LAMC2: variants seen among roughly 807,000 people sequenced by gnomAD.
The protein encoded by LAMC2 is laminin subunit gamma-2.
In LAMC2, 97 loss-of-function variants were observed where a neutral mutation model predicts 140.2. The observed-to-expected ratio is 0.69, with a 90% CI of 0.59 to 0.82. The LOEUF (loss-of-function observed/expected upper bound fraction) is 0.82, where lower values mean the gene tolerates loss of function less well. LAMC2 is among the 40% of genes least tolerant of loss of function. LAMC2 has a pLI of 0.00. For missense variants in LAMC2, 1,402 were observed against 1,476.1 expected (o/e 0.95, Z 0.82); for synonymous variants, 513 against 540.2 (o/e 0.95, Z 0.70).
intron 17 of LAMC2, 125 bp downstream of exon 17, chr1:183,236,729 T>A: frequency 8.7e-7 from 1 of 1,146,256 alleles, no homozygotes; most frequent in Non-Finnish European, 1.3e-6. Context: ...TGTTTTAGAG[T>A]GGGAAGAGTA....
In LAMC2 at chr1:183,220,974, A is replaced by G. The variant is rs745567057; in HGVS notation, c.640+13A>G. On this transcript the variant is annotated intron_variant, in intron 5 of 22. Coordinates refer to ENST00000264144, the MANE Select transcript of LAMC2 (RefSeq NM_005562.3). ...ACCTTTCATCAAGGTAAAGCCTTCT[A>G]TTTTCTAGGTTTTAGTTTTTTAATG... is the stretch of plus-strand genomic sequence containing the variant. 4.3e-6 allele frequency: 7 copies of G among 1,613,502 alleles called. No homozygotes were observed. The African/African-American group carries it at 5.3e-5, about 12-fold the overall frequency.
chr1:183,235,672 G>A lies in LAMC2; in HGVS notation c.2398G>A (p.Gly800Arg), dbSNP rs1419009396. 1.2e-5 allele frequency: 20 copies of A among 1,614,078 alleles called. No individual in the cohort carries two copies. The highest frequency in any genetic ancestry group is 1.7e-5 in the Non-Finnish European group (20 of 1,180,042). The change falls in exon 16 of 23, where the codon GGA becomes AGA. Residue 800 changes from glycine to arginine, a missense_variant. Physicochemically the swap from Gly to Arg is moderately radical, Grantham distance 125. Transcript: ENST00000264144. ...LSLVRKALHE[G>R]VGSGSGSPDG... is the part of the protein sequence containing the mutation. Reference sequence around the variant, plus strand: ...ACTGGTGCGCAAGGCCCTGCATGAAGGAGTCGGAAGCGGAAGCGGTAGCCC... The same window carrying A: ...ACTGGTGCGCAAGGCCCTGCATGAAAGAGTCGGAAGCGGAAGCGGTAGCCC...
chr1:183,234,502 G>A, intron 15 of LAMC2, 56 bp downstream of exon 15: 1 of 1,344,204 alleles, frequency 7.4e-7, no homozygotes, highest in Non-Finnish European at 1.1e-6. Flanking sequence ...GGCCAGACTT[G>A]AATAAGAGTG....
Position 183,208,004 on chromosome 1 carries a change from G to C in LAMC2, c.203G>C (p.Cys68Ser). ...ACTGATGGCATTCACTGCGAGAAGTGCAAGAATGGCTTTTACCGGCACAGA... is the reference window on the plus strand; with the variant it reads ...ACTGATGGCATTCACTGCGAGAAGTCCAAGAATGGCTTTTACCGGCACAGA... ...DNTDGIHCEKCKNGFYRHRER... is the reference protein window; with the variant it reads ...DNTDGIHCEKSKNGFYRHRER... Residue 68 changes from cysteine (C) to serine (S), a missense_variant, in exon 2 of 23, where the codon TGC becomes TCC. Transcript: ENST00000264144. The C allele has an allele frequency of 6.2e-7, 1 of 1,614,130 alleles. No homozygotes were observed. The highest frequency in any genetic ancestry group is 2.2e-5 in the East Asian group (1 of 44,880).
In LAMC2 at chr1:183,239,382, A is replaced by G; in HGVS notation, c.2888A>G (p.Asp963Gly). 1.2e-6 allele frequency: 2 copies of G among 1,614,156 alleles called. No homozygotes were observed. The highest frequency in any genetic ancestry group is 1.1e-5 in the South Asian group (1 of 91,086). Residue 963 changes from aspartate (D) to glycine (G), a missense_variant, in exon 20 of 23, where the codon GAC (aspartate) becomes GGC (glycine). This residue lies in a region of LAMC2 where 670 missense variants were observed against 667.2 expected (regional missense o/e 1.00). Transcript: ENST00000264144. The stretch of plus-strand genomic sequence containing the variant: ...ATTTCAGAGTTTGACCTGCAGGTGG[A>G]CAACAGAAAAGCAGAAGCTGAAGAA... Reference protein sequence around the residue: ...KNLREFDLQVDNRKAEAEEAM... With the variant: ...KNLREFDLQVGNRKAEAEEAM...
At position 183,186,344 on chromosome 1, in the gene LAMC2, G is replaced by A; in HGVS notation, c.-9G>A. On this transcript the variant is annotated 5_prime_UTR_variant, in exon 1 of 23. Coordinates refer to ENST00000264144, the MANE Select transcript of LAMC2 (RefSeq NM_005562.3). Reference sequence around the variant, plus strand: ...AGCGGAGACAGAGACTGAGCGGCCCGGCCCCGCCATGCCTGCGCTCTGGCT... The same window carrying A: ...AGCGGAGACAGAGACTGAGCGGCCCAGCCCCGCCATGCCTGCGCTCTGGCT... The A allele has an allele frequency of 1.3e-6, 2 of 1,591,722 alleles. No homozygotes were observed. Among genetic ancestry groups the A allele is most frequent in the Non-Finnish European group, 1.7e-6 (2 of 1,175,504 alleles).
Position 183,221,890 on chromosome 1 carries a change from G to C in LAMC2, c.641-199G>C, listed in dbSNP as rs569650690. Among the ~76,000 whole-genome samples, 14 of 152,220 alleles carry C rather than the reference G, an allele frequency of 9.2e-5. 1 individual carries two copies. In the South Asian group the frequency reaches 2.9e-3, roughly 32 times the overall value. ...AAAGATGAGAAATCATAGCAGCTGCGGGATGGGAGCAGGTGAAGTTGAGAG... is the reference window on the plus strand; with the variant it reads ...AAAGATGAGAAATCATAGCAGCTGCCGGATGGGAGCAGGTGAAGTTGAGAG... On this transcript the variant is annotated intron_variant, in intron 5 of 22. Transcript: ENST00000264144.
At chr1:183,234,470 C>CTAA in intron 15 of LAMC2, 24 bp downstream of exon 15, 1 of 1,577,930 alleles carries the variant, frequency 6.3e-7, no homozygotes, top group African/African-American at 1.3e-5. Flanking sequence ...GAGGGCACCT[C>CTAA]TGCTTCAAGC....
chr1:183,227,371 A>AG, intron 9 of LAMC2, 144 bp from the exon 10 acceptor site: 1 of 816,774 alleles, frequency 1.2e-6, no homozygotes, highest in Non-Finnish European at 2.1e-6. Context: ...GTTCTATGGG[A>AG]GGGGTGAATG....
rs746113085 is a variant in LAMC2 at position 183,228,343 on chromosome 1, G to A, written c.1469-31G>A. 1.3e-5 allele frequency: 21 copies of A among 1,613,856 alleles called. No homozygotes were observed. The highest frequency in any genetic ancestry group is 1.4e-5 in the Non-Finnish European group (16 of 1,180,014). On this transcript the variant is annotated intron_variant, in intron 10 of 22. Transcript: ENST00000264144. The surrounding 1 kb of genome is among the most constrained non-coding windows in gnomAD (Gnocchi z 4.3). ...TCTGGTCTTCCTCCTGATGGATGTC[G>A]ACCTAGGCTTGGTCATTTGTTCCTT...
chr1:183,232,120 T>C, intron 12 of LAMC2, 67 bp from the exon 13 acceptor site: 1 of 1,575,068 alleles, frequency 6.3e-7, no homozygotes. Flanking sequence ...CCTGGGTACC[T>C]GGTATTGGAT....
chr1:183,192,546 A>G (rs1466373014), intron 1 of LAMC2, among the ~76,000 whole-genome samples: 1 of 152,178 alleles, frequency 6.6e-6, no homozygotes, highest in Non-Finnish European at 1.5e-5. Flanking sequence ...TTAACTGCCC[A>G]ATTTCTTACT....
chr1:183,243,186 T>G lies in LAMC2; in HGVS notation c.3368T>G (p.Leu1123Arg). Reference protein sequence around the residue: ...LSVDEEGLVLLEQKLSRAKTQ... With the variant: ...LSVDEEGLVLREQKLSRAKTQ... ...GTAGATGAAGAGGGGCTGGTCTTAC[T>G]GGAGCAGAAGCTTTCCCGAGCCAAG... Residue 1123 changes from leucine to arginine, a missense_variant, in exon 23 of 23, where the codon CTG becomes CGG. Physicochemically the swap from Leu to Arg is moderately radical, Grantham distance 102. Coordinates refer to ENST00000264144, the MANE Select transcript of LAMC2 (RefSeq NM_005562.3). 1.9e-6 allele frequency: 3 copies of G among 1,608,470 alleles called. No individual in the cohort carries two copies. In the South Asian group the frequency reaches 3.3e-5, roughly 18 times the overall value.
At chr1:183,222,805 T>C (rs1411432778) in intron 6 of LAMC2, among the ~76,000 whole-genome samples, 1 of 152,160 alleles carries the variant, frequency 6.6e-6, no homozygotes, top group Non-Finnish European at 1.5e-5. Flanking sequence ...AGGCATTCTG[T>C]CAACTAAAGC....
intron 14 of LAMC2, among the ~76,000 whole-genome samples, chr1:183,233,338 G>GGGAA (rs57892666): frequency 2.0e-4 from 31 of 152,092 alleles, no homozygotes; most frequent in Admixed American, 4.6e-4. Context: ...GAAGAGAGTA[G>GGGAA]GGAAGGAAGG....
At chr1:183,190,506 A>G (rs1229152607) in intron 1 of LAMC2, among the ~76,000 whole-genome samples, 2 of 151,900 alleles carry the variant, frequency 1.3e-5, no homozygotes, top group Non-Finnish European at 2.9e-5. Flanking sequence ...TTCATCCACC[A>G]GACCTCATCA....
intron 8 of LAMC2, 127 bp downstream of exon 8, chr1:183,225,847 T>A: frequency 1.5e-6 from 1 of 669,934 alleles, no homozygotes; most frequent in Non-Finnish European, 2.7e-6. Flanking sequence ...TTAGAATCAC[T>A]GATTCAATCT....
chr1:183,234,034 GCAC>G (rs1290996611), intron 14 of LAMC2, among the ~76,000 whole-genome samples: 2 of 151,902 alleles, frequency 1.3e-5, no homozygotes, highest in Admixed American at 1.3e-4. Context: ...TTACAGGCAT[GCAC>G]CACCATGCCT....
At chr1:183,218,358 A>C in intron 3 of LAMC2, 32 bp from the exon 4 acceptor site, 1 of 1,504,064 alleles carries the variant, frequency 6.6e-7, no homozygotes, top group South Asian at 1.1e-5. Context: ...ATTTGGAAGC[A>C]TGTCCCTAAT....
Sources: gnomAD v4.1 joint callset for allele counts (sites outside exome capture counted in the v4.1 genomes callset) on GRCh38, gnomAD v4.1.1 for gene constraint, gnomAD v4.1.1 regional missense constraint, Gnocchi (gnomAD v3.1) non-coding constraint, MANE v1.5 for transcripts, NCBI Gene and HGNC (gene_info 2026-07-23, HGNC 2026-07-21) for gene names.